The following GALNT7 variants were observed in gnomAD, a reference collection of about 807,000 sequenced individuals.
GALNT7 encodes polypeptide N-acetylgalactosaminyltransferase 7.
GALNT7 carries 60 observed loss-of-function variants against 82.1 expected under a neutral mutation model. The observed-to-expected ratio is 0.73, with a 90% CI of 0.59 to 0.91. The LOEUF (loss-of-function observed/expected upper bound fraction) is 0.91, where lower values mean the gene tolerates loss of function less well. Ranked by LOEUF, GALNT7 falls within the 40% of genes least tolerant of loss-of-function variation. GALNT7 has a pLI of 0.00. For missense variants in GALNT7, 660 were observed against 804.2 expected, an observed-to-expected ratio of 0.82 and a Z score of 2.17; for synonymous variants, 243 against 275.1, an observed-to-expected ratio of 0.88 and a Z score of 1.15.
intron 1 of GALNT7, among the ~76,000 whole-genome samples, chr4:173,195,469 G>A (rs964616115): frequency 6.6e-6 from 1 of 152,152 alleles, no homozygotes; most frequent in African/African-American, 2.4e-5. Context: ...AAGAAAACCT[G>A]ACTGTGTAAT....
chr4:173,173,080 T>A (rs1731927856), intron 1 of GALNT7, among the ~76,000 whole-genome samples: 1 of 152,070 alleles, frequency 6.6e-6, no homozygotes, highest in Admixed American at 6.6e-5. Flanking sequence ...AAAAATAAAT[T>A]GATTCAAGAG....
chr4:173,321,436 C>A, intron 11 of GALNT7, 144 bp from the exon 12 acceptor site: 1 of 616,844 alleles, frequency 1.6e-6, no homozygotes, highest in Non-Finnish European at 2.9e-6. Flanking sequence ...AACTGACAAT[C>A]AAGAGAAATC....
chr4:173,283,501 G>A (rs533917126), intron 2 of GALNT7, among the ~76,000 whole-genome samples: 9 of 152,148 alleles, frequency 5.9e-5, no homozygotes, highest in East Asian at 1.9e-4. Flanking sequence ...TTAGCTGGGC[G>A]TGGTGGCAGG....
At chr4:173,220,268 TTTTG>T (rs1733602066) in intron 1 of GALNT7, among the ~76,000 whole-genome samples, 1 of 152,184 alleles carries the variant, frequency 6.6e-6, no homozygotes. Context: ...CACTTTATGT[TTTTG>T]TTTGCTTTGT....
At chr4:173,287,110 A>C (rs1736350596) in intron 2 of GALNT7, among the ~76,000 whole-genome samples, 1 of 152,224 alleles carries the variant, frequency 6.6e-6, no homozygotes, top group African/African-American at 2.4e-5. Context: ...CTGTCTGAGT[A>C]ATAAACCTGT....
chr4:173,231,965 A>T (rs1442715021), intron 1 of GALNT7, among the ~76,000 whole-genome samples: 1 of 152,186 alleles, frequency 6.6e-6, no homozygotes, highest in African/African-American at 2.4e-5. Context: ...TTATAAAAAT[A>T]TTGAGTAGAA....
At chr4:173,222,333 C>A (rs935378415) in intron 1 of GALNT7, among the ~76,000 whole-genome samples, 2 of 152,198 alleles carry the variant, frequency 1.3e-5, no homozygotes, top group East Asian at 1.9e-4. Context: ...AGTGCAATGA[C>A]GTGATGTCGG....
chr4:173,247,548 T>C (rs1734687715), intron 1 of GALNT7, among the ~76,000 whole-genome samples: 1 of 152,028 alleles, frequency 6.6e-6, no homozygotes, highest in African/African-American at 2.4e-5. Flanking sequence ...ACTGCCACCA[T>C]ATGGTTGTGC....
chr4:173,186,221 T>A (rs1203640149), intron 1 of GALNT7, among the ~76,000 whole-genome samples: 2 of 152,234 alleles, frequency 1.3e-5, no homozygotes, highest in Non-Finnish European at 2.9e-5. Context: ...ATTATATTGA[T>A]GTGTAATTTT....
intron 8 of GALNT7, among the ~76,000 whole-genome samples, chr4:173,312,193 G>A (rs1263062926): frequency 6.6e-6 from 1 of 152,226 alleles, no homozygotes; most frequent in Non-Finnish European, 1.5e-5. Context: ...AAGGGATTGA[G>A]TATTATTTTA....
At chr4:173,286,169 A>G (rs1736314947) in intron 2 of GALNT7, among the ~76,000 whole-genome samples, 1 of 152,228 alleles carries the variant, frequency 6.6e-6, no homozygotes, top group African/African-American at 2.4e-5. Flanking sequence ...TTAAAATTTT[A>G]CAGAGAATGT....
rs1036340872 is a variant in GALNT7 at position 173,248,472 on chromosome 4, G to A, written c.587+32G>A. The A allele has an allele frequency of 4.4e-6, 6 of 1,349,646 alleles. No individual in the cohort carries two copies. The African/African-American group carries it at 8.7e-5, about 20-fold the overall frequency. The allele number at this position is 1,349,646 out of a possible 1,614,324, so 83.6% of individuals were successfully genotyped here. ...ACACATCCTCTTCTTTCTAAAAATG[G>A]GGCAACTGTTGTTTTCATAGGTTTT... On this transcript the variant is annotated intron_variant, in intron 2 of 11. Transcript: ENST00000265000.
At chr4:173,169,111 G>C (rs1259093830) in intron 1 of GALNT7, 150 bp downstream of exon 1, 1 of 538,124 alleles carries the variant, frequency 1.9e-6, no homozygotes, top group African/African-American at 2.0e-5. Flanking sequence ...GGCCGAGGGG[G>C]TGCCGAGCCC....
intron 1 of GALNT7, among the ~76,000 whole-genome samples, chr4:173,185,896 G>A (rs954161312): frequency 1.3e-5 from 2 of 152,192 alleles, no homozygotes; most frequent in Admixed American, 6.5e-5. Flanking sequence ...CTGTCTCACT[G>A]AGATTTTGAA....
chr4:173,291,794 GAA>G (rs769433577), intron 2 of GALNT7, among the ~76,000 whole-genome samples: 24 of 101,742 alleles, frequency 2.4e-4, no homozygotes, highest in Non-Finnish European at 2.4e-4. Flanking sequence ...TCCAGGTCAT[GAA>G]AAAAAAAAAA....
At chr4:173,184,635 G>T (rs1460959766) in intron 1 of GALNT7, among the ~76,000 whole-genome samples, 1 of 149,520 alleles carries the variant, frequency 6.7e-6, no homozygotes, top group Non-Finnish European at 1.5e-5. Flanking sequence ...GGAGAGGGAG[G>T]GGGAGGGGGA....
intron 8 of GALNT7, among the ~76,000 whole-genome samples, chr4:173,304,424 A>AT (rs1278698274): frequency 1.3e-5 from 2 of 151,646 alleles, no homozygotes; most frequent in Admixed American, 6.6e-5. Context: ...ATTGCACCCT[A>AT]TTTTTTTAAT....
intron 2 of GALNT7, among the ~76,000 whole-genome samples, chr4:173,291,644 T>C (rs1736535431): frequency 6.6e-6 from 1 of 152,248 alleles, no homozygotes. Context: ...TCAACCTGTT[T>C]AATATCTTTC....
chr4:173,314,662 G>A lies in GALNT7; in HGVS notation c.1608+486G>A, dbSNP rs10013116. On this transcript the variant is annotated intron_variant, in intron 9 of 11. Transcript: ENST00000265000. Reference sequence around the variant, plus strand: ...CTTGTGTCCAGGTGGACTGATGCAGGGACCCATATACAGTAGATACTCCAA... The same window carrying A: ...CTTGTGTCCAGGTGGACTGATGCAGAGACCCATATACAGTAGATACTCCAA... 2.2e-3 allele frequency among the ~76,000 whole-genome samples: 328 copies of A among 152,112 alleles called. 2 individuals carry two copies. Among genetic ancestry groups the A allele is most frequent in the African/African-American group, 7.6e-3 (317 of 41,486 alleles).
Sources: gnomAD v4.1 joint callset for allele counts (sites outside exome capture counted in the v4.1 genomes callset) on GRCh38, gnomAD v4.1.1 for gene constraint, MANE v1.5 for transcripts, NCBI Gene and HGNC (gene_info 2026-07-23, HGNC 2026-07-21) for gene names.